CYP2C8: variants seen among roughly 807,000 people sequenced by gnomAD.
The protein encoded by CYP2C8 is cytochrome P450 family 2 subfamily C member 8, also known as cytochrome P450 2C8.
In CYP2C8, 51 loss-of-function variants were observed where a neutral mutation model predicts 41.3. That is an observed-to-expected ratio of 1.24 (90% CI 0.99 to 1.56). The LOEUF (loss-of-function observed/expected upper bound fraction) is 1.56, where lower values mean the gene tolerates loss of function less well. Ranked by LOEUF, CYP2C8 falls within the 40% of genes most tolerant of loss-of-function variation. CYP2C8 has a pLI of 0.00. For synonymous variants in CYP2C8, 218 were observed against 205.8 expected, an observed-to-expected ratio of 1.06 and a Z score of -0.51; for missense variants, 651 against 579.9, an observed-to-expected ratio of 1.12 and a Z score of -1.26.
intron 4 of CYP2C8, among the ~76,000 whole-genome samples, chr10:95,060,749 T>G (rs1452360827): frequency 7.9e-5 from 12 of 152,230 alleles, no homozygotes; most frequent in African/African-American, 2.4e-4. Flanking sequence ...CTTCCAGTTT[T>G]TGCCCATTCA....
intron 5 of CYP2C8, among the ~76,000 whole-genome samples, chr10:95,054,378 A>T (rs757295081): frequency 3.3e-5 from 5 of 152,138 alleles, no homozygotes; most frequent in Non-Finnish European, 7.4e-5. Flanking sequence ...TGATAAAATC[A>T]CTCAAAGATA....
At chr10:95,057,952 A>G (rs1374842283) in intron 5 of CYP2C8, among the ~76,000 whole-genome samples, 1 of 152,194 alleles carries the variant, frequency 6.6e-6, no homozygotes, top group Non-Finnish European at 1.5e-5. Context: ...TGCAGGGCAT[A>G]CAGGAAGCCC....
chr10:95,038,563 T>G (rs2032931570), intron 8 of CYP2C8, among the ~76,000 whole-genome samples: 1 of 152,066 alleles, frequency 6.6e-6, no homozygotes, highest in Non-Finnish European at 1.5e-5. Flanking sequence ...TTAGATACAT[T>G]TGTCAAGGCA....
At chr10:95,046,059 G>A in intron 5 of CYP2C8, 108 bp from the exon 6 acceptor site, 1 of 1,255,838 alleles carries the variant, frequency 8.0e-7, no homozygotes, top group Non-Finnish European at 1.1e-6. Context: ...AAGAGATACT[G>A]GACAGTACAG....
At chr10:95,065,059 T>C in intron 3 of CYP2C8, 99 bp from the exon 4 acceptor site, 1 of 1,118,898 alleles carries the variant, frequency 8.9e-7, no homozygotes, top group Non-Finnish European at 1.2e-6. Flanking sequence ...TTTTAAACAA[T>C]ATCTTACAAA....
chr10:95,068,930 G>A (rs1209215360), intron 1 of CYP2C8, among the ~76,000 whole-genome samples: 1 of 152,126 alleles, frequency 6.6e-6, no homozygotes, highest in Non-Finnish European at 1.5e-5. Context: ...GCATGGTGGA[G>A]GGCACCTGTA....
intron 2 of CYP2C8, 35 bp downstream of exon 2, chr10:95,067,494 G>A: frequency 6.2e-7 from 1 of 1,613,966 alleles, no homozygotes; most frequent in Non-Finnish European, 8.5e-7. Context: ...CCTCACCCCA[G>A]TTACCAAAGC....
chr10:95,068,036 GA>G (rs1204940817), intron 1 of CYP2C8, among the ~76,000 whole-genome samples: 1 of 152,186 alleles, frequency 6.6e-6, no homozygotes, highest in Non-Finnish European at 1.5e-5. Flanking sequence ...GTAATATGTA[GA>G]AGCTCCAAAC....
chr10:95,039,096 T>G, intron 7 of CYP2C8, 58 bp from the exon 8 acceptor site: 2 of 1,466,456 alleles, frequency 1.4e-6, no homozygotes, highest in Non-Finnish European at 1.9e-6. Context: ...TGAGGAGAAG[T>G]AGTGGACATC....
At position 95,036,885 on chromosome 10, in the gene CYP2C8, C is replaced by G. The variant is rs2134403165; in HGVS notation, c.*243G>C. ...TTACAGTGATAACATATTAAAAAGT[C>G]AGCATTAGAAAAGTATTAGCATATG... On this transcript the variant is annotated 3_prime_UTR_variant, in exon 9 of 9. Coordinates refer to ENST00000371270, the MANE Select transcript of CYP2C8 (RefSeq NM_000770.3). The G allele has an allele frequency of 1.5e-5, 8 of 524,314 alleles. No homozygotes were observed. The South Asian group carries it at 1.8e-4, about 12-fold the overall frequency. The allele number at this position is 524,314 out of a possible 1,614,324, so 32.5% of individuals were successfully genotyped here.
chr10:95,054,473 C>G (rs1286690710), intron 5 of CYP2C8, among the ~76,000 whole-genome samples: 5 of 151,972 alleles, frequency 3.3e-5, no homozygotes, highest in African/African-American at 1.2e-4. Flanking sequence ...AATCTAAAAG[C>G]TTATACCCCA....
chr10:95,043,831 A>G (rs1200619906), intron 6 of CYP2C8, among the ~76,000 whole-genome samples: 1 of 151,102 alleles, frequency 6.6e-6, no homozygotes, highest in Non-Finnish European at 1.5e-5. Flanking sequence ...ATCACTATTC[A>G]TTGTTTACAT....
At chr10:95,051,447 G>A (rs1467655011) in intron 5 of CYP2C8, among the ~76,000 whole-genome samples, 1 of 151,992 alleles carries the variant, frequency 6.6e-6, no homozygotes, top group African/African-American at 2.4e-5. Context: ...ATTTATTTAA[G>A]GGAAAATAAC....
At chr10:95,045,208 C>A (rs187945184) in intron 6 of CYP2C8, among the ~76,000 whole-genome samples, 457 of 152,246 alleles carry the variant, frequency 3.0e-3, no homozygotes, top group Non-Finnish European at 5.5e-3. Flanking sequence ...AATTATTAAA[C>A]CCCCTTCCAA....
intron 5 of CYP2C8, 107 bp from the exon 6 acceptor site, chr10:95,046,058 T>A: frequency 7.8e-7 from 1 of 1,275,700 alleles, no homozygotes; most frequent in Non-Finnish European, 1.1e-6. Flanking sequence ...AAAGAGATAC[T>A]GGACAGTACA....
In CYP2C8 at chr10:95,041,463, C is replaced by G. The variant is rs1298841580; in HGVS notation, c.1149+1427G>C. Among the ~76,000 whole-genome samples the G allele has an allele frequency of 2.6e-5, 4 of 152,142 alleles. No individual in the cohort carries two copies. In the East Asian group the frequency reaches 7.7e-4, roughly 29 times the overall value. ...CAAAGTGTTTGTCTTTTAGAACAGCCAGAAGGAAGTTACTGGCTTTTAAAA... is the reference window on the plus strand; with the variant it reads ...CAAAGTGTTTGTCTTTTAGAACAGCGAGAAGGAAGTTACTGGCTTTTAAAA... On this transcript the variant is annotated intron_variant, in intron 7 of 8. Coordinates refer to ENST00000371270, the MANE Select transcript of CYP2C8 (RefSeq NM_000770.3).
chr10:95,069,162 A>G (rs572429337), intron 1 of CYP2C8, 73 bp downstream of exon 1: 3 of 1,501,684 alleles, frequency 2.0e-6, no homozygotes, highest in Admixed American at 3.3e-5. Context: ...TTCCAGGAAT[A>G]TATTTTGTCT....
At position 95,039,003 on chromosome 10, in the gene CYP2C8, T is replaced by G. The variant is rs377095543; in HGVS notation, c.1185A>C (p.Leu395=). ...TTIMALLTSV[L]HDDKEFPNPN... ...GATTAGGAAATTCTTTGTCATCATG[T>G]AGCACGGAAGTCAGTAATGCCATTA... The change falls in exon 8 of 9, where the codon CTA becomes CTC. Residue 395 remains leucine (L), a synonymous_variant. Coordinates refer to ENST00000371270, the MANE Select transcript of CYP2C8 (RefSeq NM_000770.3). 1 of 1,613,546 alleles carries G rather than the reference T, an allele frequency of 6.2e-7. No individual in the cohort carries two copies. The highest frequency in any genetic ancestry group is 1.3e-5 in the African/African-American group (1 of 74,914).
intron 6 of CYP2C8, among the ~76,000 whole-genome samples, chr10:95,044,030 CTT>C (rs1033039327): frequency 6.6e-6 from 1 of 152,160 alleles, no homozygotes; most frequent in African/African-American, 2.4e-5. Flanking sequence ...AATCACATCT[CTT>C]TGATTCTTGA....
Sources: gnomAD v4.1 joint callset for allele counts (sites outside exome capture counted in the v4.1 genomes callset) on GRCh38, gnomAD v4.1.1 for gene constraint, MANE v1.5 for transcripts, NCBI Gene and HGNC (gene_info 2026-07-23, HGNC 2026-07-21) for gene names.